The following EBF1 variants were observed in gnomAD, a reference collection of about 807,000 sequenced individuals.
The protein encoded by EBF1 is transcription factor COE1.
EBF1 carries 10 observed loss-of-function variants against 68.4 expected under a neutral mutation model. That is an observed-to-expected ratio of 0.15 (90% CI 0.09 to 0.25). The LOEUF (loss-of-function observed/expected upper bound fraction) is 0.25. Ranked by LOEUF, EBF1 falls within the 10% of genes least tolerant of loss-of-function variation. EBF1 has a pLI of 1.00. For missense variants in EBF1, 509 were observed against 794.4 expected, an observed-to-expected ratio of 0.64 and a Z score of 4.32; for synonymous variants, 298 against 299.8, an observed-to-expected ratio of 0.99 and a Z score of 0.06.
chr5:158,730,226 T>C (rs1452577612), intron 11 of EBF1, among the ~76,000 whole-genome samples: 4 of 152,258 alleles, frequency 2.6e-5, no homozygotes, highest in Non-Finnish European at 5.9e-5. Context: ...TTCTGTACTT[T>C]GAACTTCCTT....
At chr5:159,029,957 T>TA (rs541130625) in intron 6 of EBF1, among the ~76,000 whole-genome samples, 2,078 of 132,398 alleles carry the variant, frequency 0.016, 18 homozygotes, top group African/African-American at 0.029. Flanking sequence ...AAACTCCTTC[T>TA]AAAAAAAAAA....
At chr5:158,948,510 G>A (rs896572401) in intron 6 of EBF1, among the ~76,000 whole-genome samples, 33 of 152,152 alleles carry the variant, frequency 2.2e-4, no homozygotes, top group Non-Finnish European at 4.1e-4. Context: ...ATTCCACTGG[G>A]ATTAAGCATG....
chr5:159,009,364 C>T (rs953721835), intron 6 of EBF1, among the ~76,000 whole-genome samples: 1 of 152,168 alleles, frequency 6.6e-6, no homozygotes, highest in African/African-American at 2.4e-5. Context: ...CAAAACCTAC[C>T]CTCAACCTCG....
At chr5:159,093,151 C>T (rs1781957966) in intron 4 of EBF1, among the ~76,000 whole-genome samples, 1 of 152,060 alleles carries the variant, frequency 6.6e-6, no homozygotes, top group African/African-American at 2.4e-5. Context: ...TTTTGGAGGC[C>T]ATTGTATTAA....
chr5:158,915,255 G>A (rs1356158344), intron 6 of EBF1, among the ~76,000 whole-genome samples: 1 of 152,210 alleles, frequency 6.6e-6, no homozygotes, highest in East Asian at 1.9e-4. Flanking sequence ...CTTTCCAAAA[G>A]CCTTCTTTGC....
At chr5:158,724,322 GAAAGAGAA>G (rs1405316511) in intron 11 of EBF1, among the ~76,000 whole-genome samples, 2 of 152,156 alleles carry the variant, frequency 1.3e-5, no homozygotes, top group African/African-American at 4.8e-5. Flanking sequence ...AAATACACGA[GAAAGAGAA>G]AGAGAGATAG....
chr5:158,762,090 T>G (rs1231261703), intron 10 of EBF1, among the ~76,000 whole-genome samples: 1 of 152,178 alleles, frequency 6.6e-6, no homozygotes, highest in East Asian at 1.9e-4. Context: ...GTGCACAATT[T>G]ATACCTCAAC....
intron 8 of EBF1, among the ~76,000 whole-genome samples, chr5:158,805,307 G>T (rs563687812): frequency 2.6e-5 from 4 of 152,098 alleles, no homozygotes; most frequent in Non-Finnish European, 4.4e-5. Flanking sequence ...AATCTGTGAC[G>T]CTAATCTTGG....
intron 9 of EBF1, among the ~76,000 whole-genome samples, chr5:158,778,166 A>C (rs1775693848): frequency 6.6e-6 from 1 of 152,178 alleles, no homozygotes; most frequent in Non-Finnish European, 1.5e-5. Flanking sequence ...CGGAATGATC[A>C]CTGGTCCATT....
chr5:158,727,149 T>A lies in EBF1; in HGVS notation c.1125+3920A>T, dbSNP rs116133994. On this transcript the variant is annotated intron_variant, in intron 11 of 15. Transcript: ENST00000313708. Reference sequence around the variant, plus strand: ...CTTGAGAGCCCACTCTCTTGGCCTCTATGATCTTCGAAAACCTTAATAATG... The same window carrying A: ...CTTGAGAGCCCACTCTCTTGGCCTCAATGATCTTCGAAAACCTTAATAATG... 3.1e-3 allele frequency among the ~76,000 whole-genome samples: 465 copies of A among 152,358 alleles called. 1 individual carries two copies. The highest frequency in any genetic ancestry group is 0.01 in the African/African-American group (431 of 41,584).
At chr5:158,806,190 C>T (rs1365328418) in intron 8 of EBF1, among the ~76,000 whole-genome samples, 1 of 152,072 alleles carries the variant, frequency 6.6e-6, no homozygotes, top group African/African-American at 2.4e-5. Context: ...TGGGTTTCAA[C>T]TCTATGACAA....
intron 11 of EBF1, among the ~76,000 whole-genome samples, chr5:158,722,970 C>T (rs757097257): frequency 7.9e-5 from 12 of 152,180 alleles, no homozygotes; most frequent in Non-Finnish European, 1.5e-4. Flanking sequence ...TTCAATGCCC[C>T]TGTATGCAGG....
intron 6 of EBF1, among the ~76,000 whole-genome samples, chr5:158,958,222 T>A (rs1049259460): frequency 6.6e-6 from 1 of 152,116 alleles, no homozygotes; most frequent in African/African-American, 2.4e-5. Flanking sequence ...AAGTAAGGGA[T>A]CCTCTTTTAC....
chr5:158,724,756 C>T (rs922610092), intron 11 of EBF1, among the ~76,000 whole-genome samples: 1 of 152,180 alleles, frequency 6.6e-6, no homozygotes, highest in African/African-American at 2.4e-5. Context: ...ATGCAGTGCA[C>T]AACTGAGCCA....
In EBF1 at chr5:158,952,834, T is replaced by C. The variant is rs148992089; in HGVS notation, c.555-112724A>G. On this transcript the variant is annotated intron_variant, in intron 6 of 15. Coordinates refer to ENST00000313708, the MANE Select transcript of EBF1 (RefSeq NM_024007.5). Reference sequence around the variant, plus strand: ...TAAGAATTAATTAGCTGCAAATATCTGAAAACTGCGGCTAGGGACATAAGG... The same window carrying C: ...TAAGAATTAATTAGCTGCAAATATCCGAAAACTGCGGCTAGGGACATAAGG... Among the ~76,000 whole-genome samples, 938 of 152,350 alleles carry C rather than the reference T, an allele frequency of 6.2e-3. 7 individuals carry two copies. Among genetic ancestry groups the C allele is most frequent in the Middle Eastern group, 0.027 (8 of 294 alleles).
chr5:159,041,663 A>G (rs889868355), intron 6 of EBF1, among the ~76,000 whole-genome samples: 1 of 152,224 alleles, frequency 6.6e-6, no homozygotes, highest in South Asian at 2.1e-4. Context: ...CATTCAGCAC[A>G]TGCATCTAGC....
At chr5:159,038,816 G>C (rs1032042356) in intron 6 of EBF1, among the ~76,000 whole-genome samples, 1 of 152,130 alleles carries the variant, frequency 6.6e-6, no homozygotes, top group Non-Finnish European at 1.5e-5. Flanking sequence ...CTCTTCCCAG[G>C]AGGGCTAATG....
intron 6 of EBF1, among the ~76,000 whole-genome samples, chr5:159,063,261 C>T (rs1776175536): frequency 6.6e-6 from 1 of 152,160 alleles, no homozygotes; most frequent in African/African-American, 2.4e-5. Flanking sequence ...AATTAGAATT[C>T]CATAGTTGGA....
At chr5:159,070,802 G>A (rs1199340564) in intron 6 of EBF1, among the ~76,000 whole-genome samples, 3 of 152,150 alleles carry the variant, frequency 2.0e-5, no homozygotes, top group African/African-American at 7.2e-5. Context: ...TATTGCTACT[G>A]AATGCAGGCC....
Sources: gnomAD v4.1 joint callset for allele counts (sites outside exome capture counted in the v4.1 genomes callset) on GRCh38, gnomAD v4.1.1 for gene constraint, MANE v1.5 for transcripts, NCBI Gene and HGNC (gene_info 2026-07-23, HGNC 2026-07-21) for gene names.